The following PABPC4L variants were observed in gnomAD, a reference collection of about 807,000 sequenced individuals.
PABPC4L encodes polyadenylate-binding protein 4-like.
For synonymous variants in PABPC4L, 169 were observed against 164.1 expected, an observed-to-expected ratio of 1.03 and a Z score of -0.23; for missense variants, 452 against 451.4, an observed-to-expected ratio of 1.00 and a Z score of -0.01.
the PABPC4L span, among the ~76,000 whole-genome samples, chr4:133,987,086 C>A: frequency 6.6e-6 from 1 of 152,112 alleles, no homozygotes; most frequent in South Asian, 2.1e-4. Context: ...GCTTGAGCTA[C>A]AAATGTAACT....
the PABPC4L span, among the ~76,000 whole-genome samples, chr4:133,992,242 C>G: frequency 6.6e-6 from 1 of 152,186 alleles, no homozygotes; most frequent in Non-Finnish European, 1.5e-5. Flanking sequence ...AATTGCCTAA[C>G]TGGAGGCTAT....
the PABPC4L span, among the ~76,000 whole-genome samples, chr4:134,007,011 G>A: frequency 1.3e-5 from 2 of 151,846 alleles, no homozygotes; most frequent in African/African-American, 4.8e-5. Flanking sequence ...GTTGTGTTTG[G>A]ATTAACCAAA....
At chr4:134,176,237 C>T in the PABPC4L span, among the ~76,000 whole-genome samples, 1 of 151,906 alleles carries the variant, frequency 6.6e-6, no homozygotes, top group Admixed American at 6.6e-5. Flanking sequence ...TAATAGAAAA[C>T]TCAAGTTATA....
At chr4:134,047,929 G>A in the PABPC4L span, among the ~76,000 whole-genome samples, 2 of 152,012 alleles carry the variant, frequency 1.3e-5, no homozygotes, top group East Asian at 1.9e-4. Flanking sequence ...TTGCTATGCT[G>A]CAAAATTGTT....
the PABPC4L span, among the ~76,000 whole-genome samples, chr4:134,021,277 G>A: frequency 6.6e-6 from 1 of 152,100 alleles, no homozygotes; most frequent in African/African-American, 2.4e-5. Flanking sequence ...ACCATCAAAA[G>A]AGCAACTGGG....
the PABPC4L span, among the ~76,000 whole-genome samples, chr4:134,091,143 A>G: frequency 6.6e-6 from 1 of 152,126 alleles, no homozygotes; most frequent in Non-Finnish European, 1.5e-5. Context: ...AATCGAGAGT[A>G]TGGATCCTTT....
chr4:134,180,035 G>A, the PABPC4L span, among the ~76,000 whole-genome samples: 1 of 152,018 alleles, frequency 6.6e-6, no homozygotes, highest in Non-Finnish European at 1.5e-5. Flanking sequence ...CTCCACACCA[G>A]ACAAAATGGT....
chr4:134,166,132 G>C, the PABPC4L span, among the ~76,000 whole-genome samples: 105 of 152,254 alleles, frequency 6.9e-4, 1 homozygote, highest in African/African-American at 2.5e-3. Flanking sequence ...CAGAAGCCAG[G>C]AGGGTTGGAG....
chr4:134,167,061 C>A, the PABPC4L span, among the ~76,000 whole-genome samples: 1 of 152,036 alleles, frequency 6.6e-6, no homozygotes, highest in African/African-American at 2.4e-5. Context: ...AAAAAGTAAT[C>A]CAATTGAATG....
the PABPC4L span, among the ~76,000 whole-genome samples, chr4:134,155,597 A>G: frequency 3.3e-5 from 5 of 152,024 alleles, no homozygotes; most frequent in South Asian, 4.1e-4. Context: ...TTTTATTTGA[A>G]ATAAATGTAC....
the PABPC4L span, among the ~76,000 whole-genome samples, chr4:134,174,932 A>T: frequency 1.3e-5 from 2 of 152,050 alleles, no homozygotes; most frequent in Non-Finnish European, 2.9e-5. Flanking sequence ...TAAATTTTTC[A>T]TGTTTCCTAC....
the PABPC4L span, among the ~76,000 whole-genome samples, chr4:133,950,033 C>G: frequency 6.6e-6 from 1 of 151,938 alleles, no homozygotes; most frequent in Middle Eastern, 3.2e-3. Context: ...GCTAATATGC[C>G]CTTTGAGAGT....
At chr4:133,989,211 C>T in the PABPC4L span, among the ~76,000 whole-genome samples, 5 of 152,072 alleles carry the variant, frequency 3.3e-5, no homozygotes, top group East Asian at 3.9e-4. Flanking sequence ...GAATAACATT[C>T]GACTCCTCAT....
At chr4:134,156,444 C>T in the PABPC4L span, among the ~76,000 whole-genome samples, 9 of 151,754 alleles carry the variant, frequency 5.9e-5, no homozygotes, top group African/African-American at 9.7e-5. Flanking sequence ...ATTAGCTCTC[C>T]AAGGATATTC....
chr4:134,018,071 C>A, the PABPC4L span, among the ~76,000 whole-genome samples: 1 of 152,070 alleles, frequency 6.6e-6, no homozygotes, highest in Non-Finnish European at 1.5e-5. Context: ...TGACATTCCA[C>A]CACAAAAGAA....
chr4:134,157,819 T>A, the PABPC4L span, among the ~76,000 whole-genome samples: 9 of 151,868 alleles, frequency 5.9e-5, no homozygotes, highest in African/African-American at 2.2e-4. Flanking sequence ...ACATTTTTAT[T>A]CAATAAAACA....
the PABPC4L span, among the ~76,000 whole-genome samples, chr4:134,100,550 C>T: frequency 5.9e-5 from 9 of 151,568 alleles, no homozygotes; most frequent in African/African-American, 1.9e-4. Context: ...TACAATAATG[C>T]AACCTGGGTG....
the PABPC4L span, among the ~76,000 whole-genome samples, chr4:134,170,993 TTTG>T: frequency 6.6e-6 from 1 of 152,122 alleles, no homozygotes; most frequent in Non-Finnish European, 1.5e-5. Flanking sequence ...CTTGCCAGCA[TTTG>T]TTATTTTTTG....
At chr4:134,134,774 A>G in the PABPC4L span, among the ~76,000 whole-genome samples, 3,389 of 151,318 alleles carry the variant, frequency 0.022, 127 homozygotes, top group African/African-American at 0.077. Flanking sequence ...CAAATATGGT[A>G]TACTTTATCT....
Sources: gnomAD v4.1 joint callset for allele counts (sites outside exome capture counted in the v4.1 genomes callset) on GRCh38, gnomAD v4.1.1 for gene constraint, MANE v1.5 for transcripts, NCBI Gene and HGNC (gene_info 2026-07-23, HGNC 2026-07-21) for gene names.